The following ADARB1 variants were observed in gnomAD, a reference collection of about 807,000 sequenced individuals.
ADARB1 encodes the protein adenosine deaminase RNA specific B1.
A neutral mutation model predicts 52.4 loss-of-function variants in ADARB1; 10 were observed. The ratio of observed to expected loss-of-function variants is 0.19; its 90% CI spans 0.12 to 0.32. The LOEUF is 0.32. Ranked by LOEUF, ADARB1 falls within the 10% of genes least tolerant of loss-of-function variation. The pLI is 1.00. For missense variants in ADARB1, 643 were observed against 922.3 expected (o/e 0.70, Z 3.92); for synonymous variants, 349 against 371.1 (o/e 0.94, Z 0.68).
chr21:45,133,696 G>GT, intron 2 of ADARB1: 1 of 256,164 alleles, frequency 3.9e-6, no homozygotes, highest in Admixed American at 5.5e-5. Flanking sequence ...TGTGCCCGAC[G>GT]GTGTGTGCGA....
chr21:45,151,810 G>T (rs761128730), intron 2 of ADARB1, among the ~76,000 whole-genome samples: 4 of 152,206 alleles, frequency 2.6e-5, no homozygotes, highest in African/African-American at 9.6e-5. Context: ...GTCCCTGCTC[G>T]CCCCAGGCTG....
intron 2 of ADARB1, chr21:45,134,803 T>G: frequency 1.9e-6 from 1 of 533,324 alleles, no homozygotes; most frequent in Non-Finnish European, 3.8e-6. Flanking sequence ...GTGATGAAGA[T>G]CCCGAGGATG....
At chr21:45,122,027 T>C (rs1304695092) in intron 1 of ADARB1, among the ~76,000 whole-genome samples, 1 of 152,242 alleles carries the variant, frequency 6.6e-6, no homozygotes, top group Non-Finnish European at 1.5e-5. Context: ...CAGCCTCCAG[T>C]TGATTACTTT....
At chr21:45,124,478 G>T (rs558882559) in intron 1 of ADARB1, among the ~76,000 whole-genome samples, 1 of 152,006 alleles carries the variant, frequency 6.6e-6, no homozygotes, top group Admixed American at 6.6e-5. Flanking sequence ...GGGCTCAGAC[G>T]ATCCTCCTGC....
chr21:45,135,326 C>G (rs2089296087), intron 2 of ADARB1, among the ~76,000 whole-genome samples: 1 of 152,262 alleles, frequency 6.6e-6, no homozygotes, highest in Admixed American at 6.5e-5. Flanking sequence ...CGTGTGCTGA[C>G]CGGCCTGCCA....
chr21:45,173,134 TC>T (rs1207371958), intron 3 of ADARB1, among the ~76,000 whole-genome samples: 1 of 152,190 alleles, frequency 6.6e-6, no homozygotes, highest in Admixed American at 6.5e-5. Context: ...TCTGGAACTA[TC>T]CCCAAACTGA....
At position 45,171,624 on chromosome 21, in the gene ADARB1, C is replaced by T. The variant is rs1468435359; in HGVS notation, c.-33C>T. 2 of 1,612,094 alleles carry T rather than the reference C, an allele frequency of 1.2e-6. No individual in the cohort carries two copies. The highest frequency in any genetic ancestry group is 1.7e-6 in the Non-Finnish European group (2 of 1,178,352). ...CTGTCTTTCAGACAGAAACAGTCTC[C>T]GCCAGTCAAGAAACCCTCAAAAGTA... On this transcript the variant is annotated 5_prime_UTR_variant, in exon 3 of 11. Transcript: ENST00000348831.
At chr21:45,183,642 T>C in intron 7 of ADARB1, 132 bp downstream of exon 7, 1 of 1,037,824 alleles carries the variant, frequency 9.6e-7, no homozygotes. Context: ...GATAAGAGTC[T>C]CTATAAAAGC....
rs759607113 is a variant in ADARB1 at position 45,176,574 on chromosome 21, T to G, written c.873T>G (p.Ser291=). The G allele has an allele frequency of 1.4e-5, 22 of 1,614,118 alleles. No individual in the cohort carries two copies. In the East Asian group the frequency reaches 4.5e-4, roughly 33 times the overall value. ...TTGCCAAGGCCCGGGCTGCGCAGTC[T>G]GCCCTGGCCGCCATTTTTAACTTGC... ...KKLAKARAAQ[S]ALAAIFNLHL... The change falls in exon 4 of 11, where the codon TCT becomes TCG. Residue 291 remains serine (S), a synonymous_variant. Transcript: ENST00000348831. This position sits in a 1 kb window ranked among gnomAD's most constrained non-coding sequence, Gnocchi z 5.8.
At position 45,176,946 on chromosome 21, in the gene ADARB1, C is replaced by G. The variant is rs2091721066; in HGVS notation, c.963+282C>G. On this transcript the variant is annotated intron_variant, in intron 4 of 10. Transcript: ENST00000348831. This position sits in a 1 kb window ranked among gnomAD's most constrained non-coding sequence, Gnocchi z 5.8. ...TGTTTACAACACTATCCATAACTCC[C>G]TTCCCGTTAGGCAACCCCCCCCATG... 1 of 313,624 alleles carries G rather than the reference C, an allele frequency of 3.2e-6. No homozygotes were observed. The highest frequency in any genetic ancestry group is 5.4e-6 in the Non-Finnish European group (1 of 186,376). 19.4% of individuals were successfully genotyped at this position (313,624 alleles called of 1,614,324 possible).
At chr21:45,217,097 C>T (rs1302949938) in intron 9 of ADARB1, among the ~76,000 whole-genome samples, 1 of 151,780 alleles carries the variant, frequency 6.6e-6, no homozygotes, top group African/African-American at 2.4e-5. Context: ...AAATATGTTT[C>T]TTATAGACAT....
At position 45,204,273 on chromosome 21, in the gene ADARB1, A is replaced by G. The variant is rs1399135054; in HGVS notation, c.1566-282A>G. ...AATTAAATATGTAATTTCCTTTCTG[A>G]TATTTCCCACAGATTTCTCACAAGA... On this transcript the variant is annotated intron_variant, in intron 8 of 10. Coordinates refer to ENST00000348831, the MANE Select transcript of ADARB1 (RefSeq NM_001112.4). The surrounding 1 kb of genome is among the most constrained non-coding windows in gnomAD (Gnocchi z 4.4). Among the ~76,000 whole-genome samples, 1 of 152,220 alleles carries G rather than the reference A, an allele frequency of 6.6e-6. No homozygotes were observed. Among genetic ancestry groups the G allele is most frequent in the Non-Finnish European group, 1.5e-5 (1 of 68,034 alleles).
intron 1 of ADARB1, chr21:45,100,762 A>C (rs557617189): frequency 1.3e-5 from 2 of 152,516 alleles, no homozygotes; most frequent in Non-Finnish European, 2.9e-5. Flanking sequence ...CTGTTGCTCA[A>C]TGGGGCAGGC....
chr21:45,149,300 G>A, intron 2 of ADARB1, among the ~76,000 whole-genome samples: 1 of 152,354 alleles, frequency 6.6e-6, no homozygotes, highest in East Asian at 1.9e-4. Context: ...CATCACGGCT[G>A]CTGATCCATG....
chr21:45,118,503 G>C (rs2087955084), intron 1 of ADARB1: 1 of 152,194 alleles, frequency 6.6e-6, no homozygotes, highest in African/African-American at 2.4e-5. Flanking sequence ...GTAGGGTCTA[G>C]AATTCTAGGA....
intron 1 of ADARB1, among the ~76,000 whole-genome samples, chr21:45,075,464 C>T (rs1049517691): frequency 8.5e-5 from 13 of 152,290 alleles, no homozygotes; most frequent in Non-Finnish European, 1.8e-4. Flanking sequence ...CCTGCGTGTC[C>T]TTCCGAGGGC....
intron 2 of ADARB1, among the ~76,000 whole-genome samples, chr21:45,169,899 T>G (rs1601742644): frequency 6.6e-6 from 1 of 152,214 alleles, no homozygotes; most frequent in Non-Finnish European, 1.5e-5. Flanking sequence ...TCCTCATTTT[T>G]TGGCCTGATC....
rs2091719890 is a variant in ADARB1 at position 45,176,919 on chromosome 21, A to T, written c.963+255A>T. 2.0e-6 allele frequency: 1 copy of T among 510,092 alleles called. No individual in the cohort carries two copies. The highest frequency in any genetic ancestry group is 3.5e-6 in the Non-Finnish European group (1 of 288,724). 31.6% of individuals were successfully genotyped at this position (510,092 alleles called of 1,614,324 possible). On this transcript the variant is annotated intron_variant, in intron 4 of 10. Coordinates refer to ENST00000348831, the MANE Select transcript of ADARB1 (RefSeq NM_001112.4). This position sits in a 1 kb window ranked among gnomAD's most constrained non-coding sequence, Gnocchi z 5.8. ...CACCTGAGACCCCGTCCACCAGAGC[A>T]GTGTTTACAACACTATCCATAACTC... is the stretch of plus-strand genomic sequence containing the variant.
intron 2 of ADARB1, among the ~76,000 whole-genome samples, chr21:45,153,130 T>C (rs1232692594): frequency 6.6e-6 from 1 of 152,240 alleles, no homozygotes; most frequent in Admixed American, 6.5e-5. Flanking sequence ...TGAGCAACCA[T>C]TGTGAAAATA....
Sources: gnomAD v4.1 joint callset for allele counts (sites outside exome capture counted in the v4.1 genomes callset) on GRCh38, gnomAD v4.1.1 for gene constraint, Gnocchi (gnomAD v3.1) non-coding constraint, MANE v1.5 for transcripts, NCBI Gene and HGNC (gene_info 2026-07-23, HGNC 2026-07-21) for gene names.